The following NR5A1 variants were observed in gnomAD, a reference collection of about 807,000 sequenced individuals.
The protein encoded by NR5A1 is nuclear receptor subfamily 5 group A member 1.
Under a neutral mutation model 42.7 loss-of-function variants are expected in NR5A1, and 6 were observed. The observed-to-expected ratio is 0.14, with a 90% CI of 0.08 to 0.28. NR5A1 has a LOEUF of 0.28. Ranked by LOEUF, NR5A1 falls within the 10% of genes least tolerant of loss-of-function variation. NR5A1 has a pLI of 1.00. For missense variants in NR5A1, 442 were observed against 626.4 expected (o/e 0.71, Z 3.14); for synonymous variants, 274 against 277.5 (o/e 0.99, Z 0.12).
rs1832422335 is a variant in NR5A1, at chr9:124,498,687, T to C, written c.870+1403A>G. Among the ~76,000 whole-genome samples the C allele has an allele frequency of 6.6e-6, 1 of 152,228 alleles. No homozygotes were observed. The highest frequency in any genetic ancestry group is 2.1e-4 in the South Asian group (1 of 4,830). On this transcript the variant is annotated intron_variant, in intron 4 of 6. Transcript: ENST00000373588. The surrounding 1 kb of genome is among the most constrained non-coding windows in gnomAD (Gnocchi z 4.6). ...AGGCAGGTGGGAGTATTCAAGACCC[T>C]GCCTTTTGCCTCATCCATTAGGTCG...
intron 1 of NR5A1, among the ~76,000 whole-genome samples, chr9:124,505,426 C>T (rs958480902): frequency 1.3e-5 from 2 of 152,192 alleles, no homozygotes; most frequent in Admixed American, 6.5e-5. Flanking sequence ...TCTCCTCACT[C>T]GAGCCTGTAG....
At chr9:124,497,198 A>G (rs1474630280) in intron 4 of NR5A1, among the ~76,000 whole-genome samples, 1 of 152,122 alleles carries the variant, frequency 6.6e-6, no homozygotes, top group African/African-American at 2.4e-5. Flanking sequence ...GTCCTTACTC[A>G]CTAACCCTTT....
In NR5A1 at chr9:124,483,130, C is replaced by A. The variant is rs539792204; in HGVS notation, c.1139-125G>T. Reference sequence around the variant, plus strand: ...ACCATCAAAGACATGGGCATTGCTGCCACCAACCATGCAACATGGTCTCCC... The same window carrying A: ...ACCATCAAAGACATGGGCATTGCTGACACCAACCATGCAACATGGTCTCCC... On this transcript the variant is annotated intron_variant, in intron 6 of 6. Coordinates refer to ENST00000373588, the MANE Select transcript of NR5A1 (RefSeq NM_004959.5). The A allele has an allele frequency of 9.4e-5, 150 of 1,592,518 alleles. No individual in the cohort carries two copies. In the African/African-American group the frequency reaches 1.9e-3, roughly 20 times the overall value.
intron 6 of NR5A1, among the ~76,000 whole-genome samples, chr9:124,487,973 T>G (rs888784676): frequency 2.0e-5 from 3 of 152,096 alleles, no homozygotes; most frequent in Non-Finnish European, 4.4e-5. Flanking sequence ...TAAGGGAAAG[T>G]TCAAGGTACC....
chr9:124,491,800 T>C (rs953910324), intron 5 of NR5A1, among the ~76,000 whole-genome samples: 1 of 151,876 alleles, frequency 6.6e-6, no homozygotes, highest in Admixed American at 6.5e-5. Context: ...CATACACCCA[T>C]GTATGTGATC....
chr9:124,494,732 A>C (rs1238049648), intron 4 of NR5A1, among the ~76,000 whole-genome samples: 1 of 149,336 alleles, frequency 6.7e-6, no homozygotes, highest in Non-Finnish European at 1.5e-5. Flanking sequence ...GGGGCCACTC[A>C]CCACCTGGGG....
At chr9:124,491,931 C>G (rs979831398) in intron 5 of NR5A1, among the ~76,000 whole-genome samples, 13 of 152,154 alleles carry the variant, frequency 8.5e-5, no homozygotes, top group African/African-American at 3.1e-4. Flanking sequence ...CCCATGGCCA[C>G]AGAGACTCAG....
intron 4 of NR5A1, among the ~76,000 whole-genome samples, chr9:124,499,741 C>T (rs146315265): frequency 6.6e-6 from 1 of 152,194 alleles, no homozygotes; most frequent in Non-Finnish European, 1.5e-5. Context: ...ACTGAGAGAG[C>T]CCCAGAATAG....
intron 1 of NR5A1, among the ~76,000 whole-genome samples, chr9:124,506,502 ATGGGC>A (rs1484608970): frequency 6.6e-6 from 1 of 152,100 alleles, no homozygotes; most frequent in East Asian, 1.9e-4. Context: ...TTGGTGGATG[ATGGGC>A]TGGGGTGCCC....
intron 6 of NR5A1, among the ~76,000 whole-genome samples, chr9:124,484,047 C>T (rs1454043008): frequency 6.6e-6 from 1 of 152,142 alleles, no homozygotes; most frequent in Non-Finnish European, 1.5e-5. Flanking sequence ...TGTGCTCAGA[C>T]CACATTACCC....
Position 124,503,724 on chromosome 9 carries a change from C to T in NR5A1, c.-15-314G>A, listed in dbSNP as rs1430343375. On this transcript the variant is annotated intron_variant, in intron 1 of 6. Coordinates refer to ENST00000373588, the MANE Select transcript of NR5A1 (RefSeq NM_004959.5). This position sits in a 1 kb window ranked among gnomAD's most constrained non-coding sequence, Gnocchi z 9.6. ...CGATTGGGATTCGTTTGTCTGAGAA[C>T]AAAACCCCGATTCTGAGAAAAAGAG... Among the ~76,000 whole-genome samples, 3 of 152,204 alleles carry T rather than the reference C, an allele frequency of 2.0e-5. No individual in the cohort carries two copies. Among genetic ancestry groups the T allele is most frequent in the African/African-American group, 4.8e-5 (2 of 41,464 alleles).
At chr9:124,499,110 C>A (rs1203528187) in intron 4 of NR5A1, among the ~76,000 whole-genome samples, 1 of 152,170 alleles carries the variant, frequency 6.6e-6, no homozygotes, top group African/African-American at 2.4e-5. Flanking sequence ...CACCAATAGC[C>A]CTGGGTGAAA....
rs2131290195 is a variant in NR5A1 at position 124,503,498 on chromosome 9, C to A, written c.-15-88G>T. On this transcript the variant is annotated intron_variant, in intron 1 of 6. Transcript: ENST00000373588. This position sits in a 1 kb window ranked among gnomAD's most constrained non-coding sequence, Gnocchi z 9.6. ...CGCCGCCCCAGCCGCTGTCGCCGGCCCGTCGCGTAATCCCCTCTCTGTGCC... is the reference window on the plus strand; with the variant it reads ...CGCCGCCCCAGCCGCTGTCGCCGGCACGTCGCGTAATCCCCTCTCTGTGCC... 9.0e-7 allele frequency: 1 copy of A among 1,110,098 alleles called. No homozygotes were observed. Among genetic ancestry groups the A allele is most frequent in the South Asian group, 1.6e-5 (1 of 63,546 alleles). 68.8% of individuals were successfully genotyped at this position (1,110,098 alleles called of 1,614,324 possible).
intron 6 of NR5A1, among the ~76,000 whole-genome samples, chr9:124,485,468 C>T (rs866441988): frequency 3.3e-5 from 5 of 152,130 alleles, no homozygotes; most frequent in Admixed American, 6.5e-5. Flanking sequence ...TGTCCAAAGT[C>T]GGATTTAGGG....
At chr9:124,493,725 T>A (rs1832349531) in intron 4 of NR5A1, among the ~76,000 whole-genome samples, 1 of 152,042 alleles carries the variant, frequency 6.6e-6, no homozygotes, top group Non-Finnish European at 1.5e-5. Context: ...TGGCCTGAGG[T>A]CAGGCCCAGG....
In NR5A1 at chr9:124,498,018, T is replaced by C. The variant is rs1832411413; in HGVS notation, c.870+2072A>G. Among the ~76,000 whole-genome samples the C allele has an allele frequency of 6.6e-6, 1 of 152,218 alleles. No individual in the cohort carries two copies. Among genetic ancestry groups the C allele is most frequent in the African/African-American group, 2.4e-5 (1 of 41,462 alleles). On this transcript the variant is annotated intron_variant, in intron 4 of 6. Coordinates refer to ENST00000373588, the MANE Select transcript of NR5A1 (RefSeq NM_004959.5). The surrounding 1 kb of genome is among the most constrained non-coding windows in gnomAD (Gnocchi z 4.6). ...CTGACTTCTCCTCCAGGCTGGCAGC[T>C]TCCTGGGTCCAGATGATTTTAATGT...
At position 124,498,087 on chromosome 9, in the gene NR5A1, G is replaced by A. The variant is rs1204689238; in HGVS notation, c.870+2003C>T. 6.6e-6 allele frequency among the ~76,000 whole-genome samples: 1 copy of A among 152,194 alleles called. No homozygotes were observed. The highest frequency in any genetic ancestry group is 1.5e-5 in the Non-Finnish European group (1 of 68,044). The stretch of plus-strand genomic sequence containing the variant: ...GGGCTGCTCCACTCTCAGAGCCAGA[G>A]AGCCCCCTCTTCTGTCTGCTAAGAT... On this transcript the variant is annotated intron_variant, in intron 4 of 6. Coordinates refer to ENST00000373588, the MANE Select transcript of NR5A1 (RefSeq NM_004959.5). The surrounding 1 kb of genome is among the most constrained non-coding windows in gnomAD (Gnocchi z 4.6).
Position 124,500,634 on chromosome 9 carries a change from T to C in NR5A1, c.326A>G (p.Lys109Arg). The stretch of plus-strand genomic sequence containing the variant: ...GCCATTGGCCCGAATCTGTGCCTTC[T>C]TCTGCTGTTTCAGGGCCCGGTCCCG... The part of the protein sequence containing the change: ...YKRDRALKQQ[K>R]KAQIRANGFK... The change falls in exon 4 of 7, where the codon AAG becomes AGG. Residue 109 changes from lysine (K) to arginine (R), a missense_variant. Physicochemically the swap from Lys to Arg is conservative, Grantham distance 26. Around this residue, in one of 3 missense-constraint regions of NR5A1, gnomAD observed 71 missense variants for 156.8 expected, o/e 0.45. Transcript: ENST00000373588. The surrounding 1 kb of genome is among the most constrained non-coding windows in gnomAD (Gnocchi z 6.9). 1 of 1,613,362 alleles carries C rather than the reference T, an allele frequency of 6.2e-7. No homozygotes were observed. Among genetic ancestry groups the C allele is most frequent in the Non-Finnish European group, 8.5e-7 (1 of 1,180,006 alleles).
chr9:124,504,052 CGAGAGA>C (rs887296282), intron 1 of NR5A1, among the ~76,000 whole-genome samples: 26 of 103,294 alleles, frequency 2.5e-4, no homozygotes, highest in Admixed American at 5.9e-4. Flanking sequence ...GAGAGAGAGA[CGAGAGA>C]GAGAGAGAGA....
Sources: gnomAD v4.1 joint callset for allele counts (sites outside exome capture counted in the v4.1 genomes callset) on GRCh38, gnomAD v4.1.1 for gene constraint, gnomAD v4.1.1 regional missense constraint, Gnocchi (gnomAD v3.1) non-coding constraint, MANE v1.5 for transcripts, NCBI Gene and HGNC (gene_info 2026-07-23, HGNC 2026-07-21) for gene names.